Variants in RAPGEF4 observed in about 807,000 individuals in gnomAD.
RAPGEF4 encodes the protein Rap guanine nucleotide exchange factor 4.
RAPGEF4 carries 66 observed loss-of-function variants against 147.9 expected under a neutral mutation model. The ratio of observed to expected loss-of-function variants is 0.45; its 90% CI spans 0.37 to 0.55. RAPGEF4 has a LOEUF of 0.55. Ranked by LOEUF, RAPGEF4 falls within the 20% of genes least tolerant of loss-of-function variation. RAPGEF4 has a pLI of 0.00. For missense variants in RAPGEF4, 1,071 were observed against 1,257.3 expected (o/e 0.85, Z 2.24); for synonymous variants, 419 against 442.7 (o/e 0.95, Z 0.67).
intron 3 of RAPGEF4, among the ~76,000 whole-genome samples, chr2:172,811,615 C>T (rs556403936): frequency 2.0e-5 from 3 of 152,270 alleles, no homozygotes; most frequent in Admixed American, 2.0e-4. Flanking sequence ...TATGTTACAT[C>T]CAGAAACAGA....
intron 1 of RAPGEF4, among the ~76,000 whole-genome samples, chr2:172,761,756 A>G (rs1437558204): frequency 1.3e-5 from 2 of 152,208 alleles, no homozygotes; most frequent in African/African-American, 4.8e-5. Flanking sequence ...AGAAATGTAC[A>G]AGGAGATCAG....
intron 15 of RAPGEF4, among the ~76,000 whole-genome samples, chr2:172,995,118 TA>T (rs5836397): frequency 0.63 from 95,577 of 152,050 alleles, 32,266 homozygotes; most frequent in East Asian, 0.9. Context: ...AACAATATGT[TA>T]AGAGTTACTC....
chr2:172,998,812 T>C (rs1386727123), intron 16 of RAPGEF4, among the ~76,000 whole-genome samples: 1 of 152,194 alleles, frequency 6.6e-6, no homozygotes, highest in Non-Finnish European at 1.5e-5. Context: ...GAATGTGTGA[T>C]TGCATAATGC....
intron 1 of RAPGEF4, among the ~76,000 whole-genome samples, chr2:172,753,068 T>A (rs1489162493): frequency 6.6e-6 from 1 of 152,150 alleles, no homozygotes; most frequent in Non-Finnish European, 1.5e-5. Flanking sequence ...TCTCTGTGAC[T>A]GGAAGTTCTA....
At chr2:172,913,763 A>C (rs943071942) in intron 4 of RAPGEF4, among the ~76,000 whole-genome samples, 7 of 152,216 alleles carry the variant, frequency 4.6e-5, no homozygotes, top group African/African-American at 1.7e-4. Context: ...AGAGAGTTTA[A>C]TAATACATGT....
intron 4 of RAPGEF4, among the ~76,000 whole-genome samples, chr2:172,869,404 A>G (rs1197469033): frequency 6.6e-6 from 1 of 152,242 alleles, no homozygotes; most frequent in Non-Finnish European, 1.5e-5. Context: ...TCTCTTTGCT[A>G]AAAGTCCTTT....
At chr2:172,995,537 C>A (rs1470987676) in intron 15 of RAPGEF4, among the ~76,000 whole-genome samples, 1 of 152,162 alleles carries the variant, frequency 6.6e-6, no homozygotes, top group African/African-American at 2.4e-5. Flanking sequence ...GCCTCGGCCT[C>A]CCAAAGTGCT....
chr2:172,956,926 A>T (rs866661281), intron 6 of RAPGEF4, among the ~76,000 whole-genome samples: 127 of 152,342 alleles, frequency 8.3e-4, no homozygotes, highest in African/African-American at 2.9e-3. Flanking sequence ...AATTTTCTCA[A>T]TAACTTGAAT....
chr2:172,943,196 G>A (rs1051783594), intron 6 of RAPGEF4, among the ~76,000 whole-genome samples: 2 of 152,198 alleles, frequency 1.3e-5, no homozygotes, highest in Admixed American at 1.3e-4. Context: ...GGCAGGCAGA[G>A]GTGATGTTCT....
intron 10 of RAPGEF4, among the ~76,000 whole-genome samples, chr2:172,968,130 G>A (rs1271290601): frequency 1.3e-5 from 2 of 152,128 alleles, no homozygotes; most frequent in Non-Finnish European, 2.9e-5. Flanking sequence ...AATTGCTATG[G>A]GGCATATAAA....
chr2:172,901,826 C>T (rs1699084898), intron 4 of RAPGEF4, among the ~76,000 whole-genome samples: 1 of 152,112 alleles, frequency 6.6e-6, no homozygotes, highest in South Asian at 2.1e-4. Context: ...TCTGGGTATG[C>T]ACTGAGAGAA....
chr2:172,746,473 C>T (rs1694778053), intron 1 of RAPGEF4, among the ~76,000 whole-genome samples: 1 of 152,118 alleles, frequency 6.6e-6, no homozygotes, highest in Non-Finnish European at 1.5e-5. Flanking sequence ...AACCAAGGGA[C>T]ATATGTTAAT....
At chr2:173,023,740 T>C (rs1036017952) in intron 23 of RAPGEF4, among the ~76,000 whole-genome samples, 1 of 152,184 alleles carries the variant, frequency 6.6e-6, no homozygotes, top group African/African-American at 2.4e-5. Flanking sequence ...TTAGGTAAAC[T>C]TGTCCCCCTT....
chr2:172,851,817 G>A (rs13409596), intron 4 of RAPGEF4, among the ~76,000 whole-genome samples: 29,331 of 152,020 alleles, frequency 0.19, 3,462 homozygotes, highest in Middle Eastern at 0.31. Flanking sequence ...TAGGAGGGTG[G>A]CAAGAAGGTG....
intron 6 of RAPGEF4, among the ~76,000 whole-genome samples, chr2:172,925,071 C>T (rs915449722): frequency 3.3e-5 from 5 of 152,240 alleles, no homozygotes; most frequent in Admixed American, 6.5e-5. Flanking sequence ...AGCTCCGCCT[C>T]CCGGCTCACG....
chr2:172,786,184 A>G (rs1685180915), intron 1 of RAPGEF4, among the ~76,000 whole-genome samples: 1 of 152,168 alleles, frequency 6.6e-6, no homozygotes, highest in Non-Finnish European at 1.5e-5. Context: ...ATGCAGGTGG[A>G]CAGCACCTGG....
At chr2:172,999,978 A>G (rs1693742658) in intron 16 of RAPGEF4, among the ~76,000 whole-genome samples, 1 of 152,192 alleles carries the variant, frequency 6.6e-6, no homozygotes, top group Non-Finnish European at 1.5e-5. Flanking sequence ...CAAACTTTAA[A>G]CTACTGGATA....
At position 172,917,856 on chromosome 2, in the gene RAPGEF4, A is replaced by G. The variant is rs1295892052; in HGVS notation, c.499A>G (p.Thr167Ala). The change falls in exon 5 of 31, where the codon ACG (threonine) becomes GCG (alanine). Residue 167 changes from threonine (T) to alanine (A), a missense_variant. Physicochemically the swap from Thr to Ala is moderately conservative, Grantham distance 58 (BLOSUM62 0). Coordinates refer to ENST00000397081, the MANE Select transcript of RAPGEF4 (RefSeq NM_007023.4). ...GGCTCCTCCTTATGGTGTTATGGAAACGGGCTCTAACAATGACAGTAAGTG... is the reference window on the plus strand; with the variant it reads ...GGCTCCTCCTTATGGTGTTATGGAAGCGGGCTCTAACAATGACAGTAAGTG... ...LLAPPYGVMETGSNNDRIPDK... is the reference protein window; with the variant it reads ...LLAPPYGVMEAGSNNDRIPDK... 1 of 1,613,662 alleles carries G rather than the reference A, an allele frequency of 6.2e-7. No homozygotes were observed. The highest frequency in any genetic ancestry group is 1.7e-5 in the Admixed American group (1 of 60,026).
intron 4 of RAPGEF4, among the ~76,000 whole-genome samples, chr2:172,912,856 T>A (rs967232199): frequency 6.6e-6 from 1 of 151,568 alleles, no homozygotes; most frequent in Admixed American, 6.6e-5. Context: ...AGGGTGAGTG[T>A]GAGTGTCTTC....
Sources: gnomAD v4.1 joint callset for allele counts (sites outside exome capture counted in the v4.1 genomes callset) on GRCh38, gnomAD v4.1.1 for gene constraint, MANE v1.5 for transcripts, NCBI Gene and HGNC (gene_info 2026-07-23, HGNC 2026-07-21) for gene names.